NOVA1: variants seen among roughly 807,000 people sequenced by gnomAD.
NOVA1 encodes the protein RNA-binding protein Nova-1.
In NOVA1, 7 loss-of-function variants were observed where a neutral mutation model predicts 38.0. That is an observed-to-expected ratio of 0.18 (90% confidence interval 0.10 to 0.35). The LOEUF is 0.35. Ranked by LOEUF, NOVA1 falls within the 10% of genes least tolerant of loss-of-function variation. The probability of loss-of-function intolerance (pLI) is 1.00; values close to 1 mark genes in which losing one functional copy is unlikely to be tolerated. For synonymous variants in NOVA1, 270 were observed against 232.5 expected (o/e 1.16, Z -1.47); for missense variants, 460 against 616.0 (o/e 0.75, Z 2.68).
chr14:26,542,629 C>A (rs1196791099), intron 2 of NOVA1, among the ~76,000 whole-genome samples: 1 of 151,026 alleles, frequency 6.6e-6, no homozygotes, highest in Non-Finnish European at 1.5e-5. Context: ...ACAACCAACC[C>A]TTTTTATGAC....
At position 26,448,710 on chromosome 14, in the gene NOVA1, A is replaced by G. The variant is rs1229590556; in HGVS notation, c.773T>C (p.Val258Ala). The change falls in exon 5 of 5, where the codon GTG becomes GCG. Residue 258 changes from valine to alanine, a missense_variant. Physicochemically the swap from Val to Ala is moderately conservative, Grantham distance 64 (BLOSUM62 0). Transcript: ENST00000539517. This position sits in a 1 kb window ranked among gnomAD's most constrained non-coding sequence, Gnocchi z 5.3. The part of the protein sequence containing the change: ...GSCLNISYAN[V>A]TGPVANSNPT... ...ATTGGAATTTGCCACTGGACCTGTC[A>G]CATTGGCATAACTGATATTGAGACA... 3.1e-6 allele frequency: 5 copies of G among 1,614,098 alleles called. No individual in the cohort carries two copies. The African/African-American group carries it at 6.7e-5, about 22-fold the overall frequency.
At position 26,596,897 on chromosome 14, in the gene NOVA1, A is replaced by G; in HGVS notation, c.136+404T>C. On this transcript the variant is annotated intron_variant, in intron 1 of 4. Transcript: ENST00000539517. Reference sequence around the variant, plus strand: ...CTACCCAAGTGCCATTTATTTATTTATTTTATCAGACTGTTAAACGCAGCG... The same window carrying G: ...CTACCCAAGTGCCATTTATTTATTTGTTTTATCAGACTGTTAAACGCAGCG... The G allele has an allele frequency of 3.4e-6, 4 of 1,168,610 alleles. No individual in the cohort carries two copies. In the South Asian group the frequency reaches 7.0e-5, roughly 20 times the overall value. 72.4% of individuals were successfully genotyped at this position (1,168,610 alleles called of 1,614,324 possible).
intron 2 of NOVA1, among the ~76,000 whole-genome samples, chr14:26,489,121 T>C (rs1886138454): frequency 6.6e-6 from 1 of 152,234 alleles, no homozygotes; most frequent in East Asian, 1.9e-4. Flanking sequence ...AATTAATGTC[T>C]CTTACATTAA....
At chr14:26,575,774 T>C (rs914867930) in intron 2 of NOVA1, among the ~76,000 whole-genome samples, 2 of 152,138 alleles carry the variant, frequency 1.3e-5, no homozygotes, top group African/African-American at 4.8e-5. Flanking sequence ...ATTGTTATTA[T>C]ATAATTATTT....
At chr14:26,595,353 T>G (rs1475480378) in intron 2 of NOVA1, 57 bp downstream of exon 2, 6 of 1,538,750 alleles carry the variant, frequency 3.9e-6, no homozygotes, top group Non-Finnish European at 4.4e-6. Context: ...ACAACACAAG[T>G]AGATCTTTCT....
At chr14:26,480,680 C>CT (rs1484683720) in intron 2 of NOVA1, among the ~76,000 whole-genome samples, 2 of 149,894 alleles carry the variant, frequency 1.3e-5, no homozygotes, top group African/African-American at 2.5e-5. Context: ...TTTTTTTTTA[C>CT]TTTTTCACTA....
chr14:26,587,887 AAC>A (rs1194177754), intron 2 of NOVA1, among the ~76,000 whole-genome samples: 1 of 151,150 alleles, frequency 6.6e-6, no homozygotes, highest in African/African-American at 2.4e-5. Flanking sequence ...TAGATCTTAA[AAC>A]ACAGTCTCAG....
chr14:26,582,230 T>C (rs1350052235), intron 2 of NOVA1, among the ~76,000 whole-genome samples: 5 of 151,846 alleles, frequency 3.3e-5, no homozygotes. Context: ...TCAAAAAATG[T>C]TTACATTCTT....
chr14:26,495,581 G>C (rs1304947964), intron 2 of NOVA1, among the ~76,000 whole-genome samples: 1 of 140,180 alleles, frequency 7.1e-6, no homozygotes, highest in Non-Finnish European at 1.5e-5. Flanking sequence ...GTGACATGCT[G>C]GTGCGCTGCA....
At chr14:26,596,603 A>T (rs2138833918) in intron 1 of NOVA1, 3 of 1,289,174 alleles carry the variant, frequency 2.3e-6, no homozygotes, top group Non-Finnish European at 3.0e-6. Flanking sequence ...TGCATTGTTA[A>T]GATGATTCCA....
At chr14:26,507,312 C>A (rs1220328632) in intron 2 of NOVA1, among the ~76,000 whole-genome samples, 1 of 151,962 alleles carries the variant, frequency 6.6e-6, no homozygotes, top group African/African-American at 2.4e-5. Flanking sequence ...TTTTAAATGG[C>A]ATGGCTGATT....
At chr14:26,576,610 T>C (rs1387911391) in intron 2 of NOVA1, among the ~76,000 whole-genome samples, 1 of 151,242 alleles carries the variant, frequency 6.6e-6, no homozygotes, top group Non-Finnish European at 1.5e-5. Flanking sequence ...TGTGTGTGTG[T>C]ATATATATAT....
Position 26,445,637 on chromosome 14 carries a change from T to C in NOVA1, c.*2322A>G, listed in dbSNP as rs1882010056. ...ACTACTGGAATTTTGAAATAAAAGATCGAAGATTTGCTAAGACTGAACAAA... is the reference window on the plus strand; with the variant it reads ...ACTACTGGAATTTTGAAATAAAAGACCGAAGATTTGCTAAGACTGAACAAA... On this transcript the variant is annotated 3_prime_UTR_variant, in exon 5 of 5. Coordinates refer to ENST00000539517, the MANE Select transcript of NOVA1 (RefSeq NM_002515.3). 6.6e-6 allele frequency: 1 copy of C among 152,082 alleles called. No individual in the cohort carries two copies. Among genetic ancestry groups the C allele is most frequent in the South Asian group, 2.1e-4 (1 of 4,818 alleles). 9.4% of individuals were successfully genotyped at this position (152,082 alleles called of 1,614,324 possible).
At chr14:26,576,325 T>A (rs956982064) in intron 2 of NOVA1, among the ~76,000 whole-genome samples, 5 of 151,450 alleles carry the variant, frequency 3.3e-5, no homozygotes, top group Non-Finnish European at 7.4e-5. Flanking sequence ...GTGTAAAACA[T>A]GATGTTTTGA....
At chr14:26,540,569 T>A (rs1272137154) in intron 2 of NOVA1, among the ~76,000 whole-genome samples, 1 of 152,226 alleles carries the variant, frequency 6.6e-6, no homozygotes, top group African/African-American at 2.4e-5. Flanking sequence ...CAAACCAGCA[T>A]GTACTAGCAT....
At chr14:26,491,800 C>A (rs1886370577) in intron 2 of NOVA1, among the ~76,000 whole-genome samples, 1 of 152,028 alleles carries the variant, frequency 6.6e-6, no homozygotes, top group Non-Finnish European at 1.5e-5. Flanking sequence ...TATTGTCTTT[C>A]CTAATGACAG....
intron 2 of NOVA1, among the ~76,000 whole-genome samples, chr14:26,485,299 A>G (rs17582007): frequency 0.019 from 2,874 of 152,276 alleles, 63 homozygotes; most frequent in Admixed American, 0.055. Flanking sequence ...TCTACAAAAT[A>G]TCTATAAAGC....
chr14:26,516,723 CT>C (rs1162262686), intron 2 of NOVA1, among the ~76,000 whole-genome samples: 16 of 152,052 alleles, frequency 1.1e-4, no homozygotes, highest in Non-Finnish European at 5.9e-5. Flanking sequence ...TTCCATTGGT[CT>C]ACTTATTTAT....
intron 2 of NOVA1, among the ~76,000 whole-genome samples, chr14:26,587,296 A>G (rs540155514): frequency 1.5e-4 from 18 of 121,252 alleles, no homozygotes; most frequent in African/African-American, 4.1e-4. Context: ...TTTAACAGGG[A>G]TCTAAAATAT....
Sources: gnomAD v4.1 joint callset for allele counts (sites outside exome capture counted in the v4.1 genomes callset) on GRCh38, gnomAD v4.1.1 for gene constraint, Gnocchi (gnomAD v3.1) non-coding constraint, MANE v1.5 for transcripts, NCBI Gene and HGNC (gene_info 2026-07-23, HGNC 2026-07-21) for gene names.